Variants in EYA4 observed in about 807,000 individuals in gnomAD.
EYA4 encodes the protein protein phosphatase EYA4.
In EYA4, 31 loss-of-function variants were observed where a neutral mutation model predicts 87.9. The ratio of observed to expected loss-of-function variants is 0.35; its 90% CI spans 0.27 to 0.48. The LOEUF is 0.48. Among genes scored for constraint, EYA4 ranks in the 20% least tolerant of loss-of-function variants. The pLI is 0.99. For synonymous variants in EYA4, 263 were observed against 270.6 expected (o/e 0.97, Z 0.28); for missense variants, 678 against 761.4 (o/e 0.89, Z 1.29).
chr6:133,448,899 A>C (rs1793130289), intron 5 of EYA4, among the ~76,000 whole-genome samples: 1 of 152,188 alleles, frequency 6.6e-6, no homozygotes, highest in Admixed American at 6.5e-5. Flanking sequence ...GCTCATGCCT[A>C]TTGGAAATGT....
intron 13 of EYA4, among the ~76,000 whole-genome samples, chr6:133,495,811 A>G (rs1797607988): frequency 6.6e-6 from 1 of 152,204 alleles, no homozygotes; most frequent in Admixed American, 6.5e-5. Flanking sequence ...AGGTGGGACC[A>G]TAGGTTTTGC....
At chr6:133,402,158 C>T (rs1788321703) in intron 3 of EYA4, among the ~76,000 whole-genome samples, 1 of 152,076 alleles carries the variant, frequency 6.6e-6, no homozygotes, top group South Asian at 2.1e-4. Context: ...TCTAGGGACA[C>T]AGACACACAC....
chr6:133,309,893 A>G (rs950375), intron 2 of EYA4, among the ~76,000 whole-genome samples: 106,602 of 152,068 alleles, frequency 0.7, 37,489 homozygotes, highest in East Asian at 0.81. Context: ...GTAGTGGGGA[A>G]AAGTTTCTGG....
intron 16 of EYA4, 29 bp from the exon 17 acceptor site, chr6:133,515,292 G>C: frequency 9.3e-7 from 1 of 1,075,052 alleles, no homozygotes; most frequent in Non-Finnish European, 1.5e-6. Context: ...TTCATCTCTC[G>C]ACTCTGCCTT....
intron 3 of EYA4, among the ~76,000 whole-genome samples, chr6:133,384,821 A>T (rs1393829277): frequency 6.6e-6 from 1 of 152,222 alleles, no homozygotes; most frequent in African/African-American, 2.4e-5. Flanking sequence ...AGAGCACTCG[A>T]CACAAAAAGG....
chr6:133,423,151 G>T (rs1450305938), intron 3 of EYA4, among the ~76,000 whole-genome samples: 2 of 152,140 alleles, frequency 1.3e-5, no homozygotes, highest in African/African-American at 4.8e-5. Context: ...GAGGATCAGG[G>T]AGGAGAAAGA....
At chr6:133,482,450 C>T (rs1388453447) in intron 12 of EYA4, among the ~76,000 whole-genome samples, 2 of 152,200 alleles carry the variant, frequency 1.3e-5, no homozygotes, top group African/African-American at 4.8e-5. Flanking sequence ...GGCAGCCAGC[C>T]TGGCCACAAC....
intron 2 of EYA4, among the ~76,000 whole-genome samples, chr6:133,341,750 A>G (rs1158301728): frequency 6.6e-6 from 1 of 152,148 alleles, no homozygotes; most frequent in East Asian, 1.9e-4. Flanking sequence ...GTTTCTCACC[A>G]ACTATGGAGC....
intron 3 of EYA4, among the ~76,000 whole-genome samples, chr6:133,388,370 G>A (rs942597366): frequency 7.4e-5 from 11 of 149,152 alleles, no homozygotes; most frequent in Non-Finnish European, 1.6e-4. Flanking sequence ...TCATGCCACT[G>A]CACTCCAGCC....
intron 1 of EYA4, among the ~76,000 whole-genome samples, chr6:133,259,192 G>A (rs1299748871): frequency 6.6e-6 from 1 of 152,074 alleles, no homozygotes; most frequent in East Asian, 1.9e-4. Context: ...GGGAAACAAA[G>A]ATTTTTTTTT....
At chr6:133,353,057 G>A (rs9389069) in intron 2 of EYA4, among the ~76,000 whole-genome samples, 4,754 of 152,144 alleles carry the variant, frequency 0.031, 176 homozygotes, top group East Asian at 0.2. Context: ...ATCACTGTGG[G>A]TAGTAATTTC....
chr6:133,252,561 C>T (rs1582749901), intron 1 of EYA4, among the ~76,000 whole-genome samples: 1 of 152,070 alleles, frequency 6.6e-6, no homozygotes, highest in East Asian at 1.9e-4. Flanking sequence ...GGGCACCACC[C>T]TTACATAATT....
intron 2 of EYA4, among the ~76,000 whole-genome samples, chr6:133,313,783 T>C (rs892937197): frequency 3.3e-5 from 5 of 152,214 alleles, no homozygotes; most frequent in Non-Finnish European, 4.4e-5. Flanking sequence ...GACTTTGTTT[T>C]CTGTCAGTTT....
chr6:133,467,873 A>G (rs889870317), intron 10 of EYA4, among the ~76,000 whole-genome samples: 10 of 152,136 alleles, frequency 6.6e-5, no homozygotes, highest in African/African-American at 1.9e-4. Context: ...AAGGTTCTTA[A>G]AATTTTTAAA....
At chr6:133,243,454 G>C (rs185195854) in intron 1 of EYA4, among the ~76,000 whole-genome samples, 1 of 152,226 alleles carries the variant, frequency 6.6e-6, no homozygotes, top group African/African-American at 2.4e-5. Context: ...ATTTAGGTGG[G>C]AGTCTTAGGA....
At chr6:133,515,804 C>T (rs73776040) in intron 17 of EYA4, among the ~76,000 whole-genome samples, 1,818 of 152,192 alleles carry the variant, frequency 0.012, 35 homozygotes, top group African/African-American at 0.042. Flanking sequence ...TGGCAAAGTA[C>T]AAGGGGGTGA....
intron 19 of EYA4, among the ~76,000 whole-genome samples, chr6:133,526,444 AGAAAG>A (rs1800640247): frequency 6.8e-6 from 1 of 147,296 alleles, no homozygotes; most frequent in South Asian, 2.2e-4. Context: ...TAAGAGAAAG[AGAAAG>A]GAAATGATGT....
intron 2 of EYA4, among the ~76,000 whole-genome samples, chr6:133,276,482 A>C (rs547784083): frequency 1.3e-5 from 2 of 152,366 alleles, no homozygotes; most frequent in African/African-American, 4.8e-5. Flanking sequence ...AAGATGCGTC[A>C]TATCACCGTT....
rs1800997828 is a variant in EYA4 at position 133,531,307 on chromosome 6, C to A, written c.*2502C>A. 9.3e-7 allele frequency: 1 copy of A among 1,071,162 alleles called. No individual in the cohort carries two copies. Among genetic ancestry groups the A allele is most frequent in the Non-Finnish European group, 1.4e-6 (1 of 725,756 alleles). 66.4% of individuals were successfully genotyped at this position (1,071,162 alleles called of 1,614,324 possible). ...CCCACGAGCCAGCATCACAGCTTGG[C>A]CATGGGACGTTGAGTATGCACAAAC... On this transcript the variant is annotated 3_prime_UTR_variant, in exon 20 of 20. Coordinates refer to ENST00000355286, the MANE Select transcript of EYA4 (RefSeq NM_004100.5).
Sources: gnomAD v4.1 joint callset for allele counts (sites outside exome capture counted in the v4.1 genomes callset) on GRCh38, gnomAD v4.1.1 for gene constraint, MANE v1.5 for transcripts, NCBI Gene and HGNC (gene_info 2026-07-23, HGNC 2026-07-21) for gene names.